Variants in COG8 observed in about 807,000 individuals in gnomAD.
The protein encoded by COG8 is component of oligomeric golgi complex 8.
A neutral mutation model predicts 46.5 loss-of-function variants in COG8; 45 were observed. The ratio of observed to expected loss-of-function variants is 0.97; its 90% CI spans 0.76 to 1.24. The LOEUF (loss-of-function observed/expected upper bound fraction) is 1.24, where lower values mean the gene tolerates loss of function less well. Among genes scored for constraint, COG8 ranks in the 50% most tolerant of loss-of-function variants. COG8 has a pLI of 0.00. For synonymous variants in COG8, 407 were observed against 347.8 expected (o/e 1.17, Z -1.90); for missense variants, 793 against 820.8 (o/e 0.97, Z 0.41).
Position 69,329,047 on chromosome 16 carries a change from AC to A in COG8, c.*158del. ...TTAGTCATTCACCTTCATCCAATAG[AC>A]GTTTGTGAACGTCCTGCTGTCCATT... On this transcript the variant is annotated 3_prime_UTR_variant, in exon 6 of 6. Coordinates refer to ENST00000306875, the MANE Select transcript of COG8 (RefSeq NM_032382.5). 6.2e-7 allele frequency: 1 copy of A among 1,610,714 alleles called. No individual in the cohort carries two copies. Among genetic ancestry groups the A allele is most frequent in the South Asian group, 1.1e-5 (1 of 90,578 alleles).
Position 69,329,138 on chromosome 16 carries a change from C to T in COG8, c.*68G>A. ...TGCTGGATGATGCGGGCTGCCCACC[C>T]GCTCGCCTGCCACACCACCTGTTCT... On this transcript the variant is annotated 3_prime_UTR_variant, in exon 6 of 6. Coordinates refer to ENST00000306875, the MANE Select transcript of COG8 (RefSeq NM_032382.5). 6.2e-7 allele frequency: 1 copy of T among 1,608,262 alleles called. No individual in the cohort carries two copies. Among genetic ancestry groups the T allele is most frequent in the Non-Finnish European group, 8.5e-7 (1 of 1,178,890 alleles).
At chr16:69,330,102 TG>T in intron 5 of COG8, 1 of 1,582,224 alleles carries the variant, frequency 6.3e-7, no homozygotes, top group Admixed American at 1.8e-5. Flanking sequence ...ACTCGCAGGC[TG>T]GGGTTCACGA....
chr16:69,330,048 C>T lies in COG8; in HGVS notation c.*26+765G>A. 2 of 1,551,158 alleles carry T rather than the reference C, an allele frequency of 1.3e-6. No individual in the cohort carries two copies. The highest frequency in any genetic ancestry group is 2.5e-5 in the East Asian group (1 of 40,026). ...GGCACGCAGGCCAGGAAGCCGGCGACGCTCTCGCAGCCCTCGGGAAAGGTG... is the reference window on the plus strand; with the variant it reads ...GGCACGCAGGCCAGGAAGCCGGCGATGCTCTCGCAGCCCTCGGGAAAGGTG... On this transcript the variant is annotated intron_variant, in intron 5 of 5. Transcript: ENST00000306875.
chr16:69,331,218 AGGGGGG>A, intron 4 of COG8, 123 bp from the exon 5 acceptor site: 1 of 913,506 alleles, frequency 1.1e-6, no homozygotes, highest in Non-Finnish European at 1.7e-6. Context: ...GAGGCCGGGG[AGGGGGG>A]GGCGGATCAC....
At chr16:69,330,664 G>A (rs112744495) in intron 5 of COG8, 149 bp downstream of exon 5, 75 of 1,396,638 alleles carry the variant, frequency 5.4e-5, no homozygotes, top group Non-Finnish European at 6.7e-5. Flanking sequence ...GCGAAGCCGC[G>A]ACTGGATCCC....
Position 69,332,749 on chromosome 16 carries a change from A to C in COG8, c.1547T>G (p.Val516Gly), listed in dbSNP as rs1428159234. ...TGCTATCTGAGCTGGTGGAAAAAGG[A>C]CTTGGAGACAGCGATTTAAATACGG... is the stretch of plus-strand genomic sequence containing the variant. ...LVPYLNRCLQ[V>G]LFPPAQIAQT... is the part of the protein sequence containing the mutation. Residue 516 changes from valine (V) to glycine (G), a missense_variant, in exon 4 of 6, where the codon GTC (valine) becomes GGC (glycine). Coordinates refer to ENST00000306875, the MANE Select transcript of COG8 (RefSeq NM_032382.5). The C allele has an allele frequency of 6.2e-6, 10 of 1,614,092 alleles. No individual in the cohort carries two copies. Among genetic ancestry groups the C allele is most frequent in the Non-Finnish European group, 7.6e-6 (9 of 1,180,028 alleles).
chr16:69,339,415 C>T lies in COG8; in HGVS notation c.138G>A (p.Val46=). 1 of 1,583,004 alleles carries T rather than the reference C, an allele frequency of 6.3e-7. No homozygotes were observed. The highest frequency in any genetic ancestry group is 8.5e-7 in the Non-Finnish European group (1 of 1,169,814). ...CGCTCAACTCCCGGAGGTAGCGGCC[C>T]ACATCGGGCCGCTCGCGCCACTGGG... ...PEAQWRERPD[V]GRYLRELSGS... Residue 46 remains valine (V), a synonymous_variant, in exon 1 of 6, where the codon GTG becomes GTA. Coordinates refer to ENST00000306875, the MANE Select transcript of COG8 (RefSeq NM_032382.5).
At chr16:69,330,463 CG>C in intron 5 of COG8, 1 of 1,471,138 alleles carries the variant, frequency 6.8e-7, no homozygotes, top group Non-Finnish European at 8.9e-7. Flanking sequence ...CGACGCCGTC[CG>C]GGGCGGCCGT....
rs2011700226 is a variant in COG8 at position 69,330,344 on chromosome 16, C to T, written c.*26+469G>A. On this transcript the variant is annotated intron_variant, in intron 5 of 5. Transcript: ENST00000306875. Reference sequence around the variant, plus strand: ...CCGCTCCACCGGGGCCGCCACGCCGCGCAGCACCGGGTCCCCGACTTGGCA... The same window carrying T: ...CCGCTCCACCGGGGCCGCCACGCCGTGCAGCACCGGGTCCCCGACTTGGCA... 2 of 1,468,896 alleles carry T rather than the reference C, an allele frequency of 1.4e-6. No homozygotes were observed. The highest frequency in any genetic ancestry group is 1.5e-5 in the African/African-American group (1 of 68,152). 91.0% of individuals were successfully genotyped at this position (1,468,896 alleles called of 1,614,324 possible).
chr16:69,328,774 AT>A lies in COG8; in HGVS notation c.*431del. On this transcript the variant is annotated 3_prime_UTR_variant, in exon 6 of 6. Transcript: ENST00000306875. ...ATTACCCCACCTTCCTCCATACAGAATTGTTAGGAAATGTCCACTCCTTTGG... is the reference window on the plus strand; with the variant it reads ...ATTACCCCACCTTCCTCCATACAGAATGTTAGGAAATGTCCACTCCTTTGG... 2.0e-6 allele frequency: 1 copy of A among 491,372 alleles called. No individual in the cohort carries two copies. Among genetic ancestry groups the A allele is most frequent in the Admixed American group, 4.3e-5 (1 of 23,084 alleles). 30.4% of individuals were successfully genotyped at this position (491,372 alleles called of 1,614,324 possible). A position where few individuals can be genotyped will look rare whatever the true frequency, so the allele number is the denominator to read the frequency against.
At position 69,330,552 on chromosome 16, in the gene COG8, C is replaced by G. The variant is rs1172324284; in HGVS notation, c.*26+261G>C. Reference sequence around the variant, plus strand: ...GCCCACAGTGGCCAAAGACTCAGCGCGCCCCACAGCCGGGCCATGGCGGCC... The same window carrying G: ...GCCCACAGTGGCCAAAGACTCAGCGGGCCCCACAGCCGGGCCATGGCGGCC... On this transcript the variant is annotated intron_variant, in intron 5 of 5. Coordinates refer to ENST00000306875, the MANE Select transcript of COG8 (RefSeq NM_032382.5). The G allele has an allele frequency of 2.0e-6, 3 of 1,469,710 alleles. No individual in the cohort carries two copies. Among genetic ancestry groups the G allele is most frequent in the Admixed American group, 2.5e-5 (1 of 39,790 alleles). The allele number at this position is 1,469,710 out of a possible 1,614,324, so 91.0% of individuals were successfully genotyped here.
Position 69,339,529 on chromosome 16 carries a change from T to A in COG8, c.24A>T (p.Pro8=), listed in dbSNP as rs538076531. ...CCGCTGCTGTGGCCGTGGCTACCGA[T>A]GGGATAGTCGCCGCGGTCGCCATCT... The part of the protein sequence containing the change: MATAATI[P]SVATATAAAL... The change falls in exon 1 of 6, where the codon CCA becomes CCT. Residue 8 remains proline (P), a synonymous_variant. Transcript: ENST00000306875. 1.9e-6 allele frequency: 3 copies of A among 1,608,460 alleles called. No homozygotes were observed. The highest frequency in any genetic ancestry group is 2.5e-6 in the Non-Finnish European group (3 of 1,179,948).
intron 5 of COG8, chr16:69,330,539 CAA>C (rs1458359625): frequency 4.1e-6 from 6 of 1,478,746 alleles, no homozygotes; most frequent in East Asian, 2.9e-5. Flanking sequence ...CCACAGTGGC[CAA>C]AGACTCAGCG....
Position 69,334,524 on chromosome 16 carries a change from G to A in COG8, c.1410C>T (p.Ala470=). Residue 470 remains alanine (A), a synonymous_variant, in exon 3 of 6, where the codon GCC becomes GCT. Transcript: ENST00000306875. ...AAAACCAACAGAATGTGCTCACCTT[G>A]GCAAGGGCATCTTCCAAGGCCCCAG... is the stretch of plus-strand genomic sequence containing the variant. ...DVTGALEDAL[A]KVTKIILAFH... 6.2e-7 allele frequency: 1 copy of A among 1,613,892 alleles called. No individual in the cohort carries two copies. Among genetic ancestry groups the A allele is most frequent in the Non-Finnish European group, 8.5e-7 (1 of 1,179,834 alleles).
In COG8 at chr16:69,330,870, G is replaced by A. The variant is rs1459641677; in HGVS notation, c.1808C>T (p.Thr603Met). The A allele has an allele frequency of 7.8e-6, 12 of 1,544,772 alleles. No homozygotes were observed. In the African/African-American group the frequency reaches 1.1e-4, roughly 14 times the overall value. ...CCCCACGCTGGGCGGTTCGGCCTGC[G>A]TCTCCGCTCGCCCTCCCTCCGGGCA... ...PACPEGGRAE[T>M]QAEPPSVGP Residue 603 changes from threonine (T) to methionine (M), a missense_variant, in exon 5 of 6, where the codon ACG becomes ATG. By Grantham distance (81) the Thr-to-Met change is moderately conservative. Coordinates refer to ENST00000306875, the MANE Select transcript of COG8 (RefSeq NM_032382.5).
chr16:69,333,158 T>C (rs2011990053), intron 3 of COG8, among the ~76,000 whole-genome samples: 1 of 149,260 alleles, frequency 6.7e-6, no homozygotes, highest in African/African-American at 2.5e-5. Context: ...AGAGAATACA[T>C]GGTTTTGGTT....
chr16:69,338,539 C>T (rs2012333341), intron 1 of COG8: 1 of 152,658 alleles, frequency 6.6e-6, no homozygotes, highest in Non-Finnish European at 1.5e-5. Context: ...TGTGTCAGAC[C>T]CGATAATAAG....
intron 5 of COG8, chr16:69,330,392 G>A: frequency 6.8e-7 from 1 of 1,479,302 alleles, no homozygotes; most frequent in Non-Finnish European, 8.9e-7. Context: ...CGGCGGTTCG[G>A]GAGGACCCAG....
intron 5 of COG8, chr16:69,330,173 C>A: frequency 6.6e-7 from 1 of 1,515,684 alleles, no homozygotes; most frequent in East Asian, 2.7e-5. Context: ...CGGGCACTCC[C>A]GACACAGCGC....
Sources: gnomAD v4.1 joint callset for allele counts (sites outside exome capture counted in the v4.1 genomes callset) on GRCh38, gnomAD v4.1.1 for gene constraint, MANE v1.5 for transcripts, NCBI Gene and HGNC (gene_info 2026-07-23, HGNC 2026-07-21) for gene names.